Variants in STT3B observed in about 807,000 individuals in gnomAD.
STT3B encodes dolichyl-diphosphooligosaccharide--protein glycosyltransferase subunit STT3B.
Under a neutral mutation model 96.8 loss-of-function variants are expected in STT3B, and 29 were observed. The ratio of observed to expected loss-of-function variants is 0.30; its 90% CI spans 0.22 to 0.41. STT3B has a LOEUF of 0.41. Ranked by LOEUF, STT3B falls within the 10% of genes least tolerant of loss-of-function variation. The pLI, the probability that STT3B is intolerant of heterozygous loss-of-function variation, is 1.00. For synonymous variants in STT3B, 367 were observed against 360.0 expected, an observed-to-expected ratio of 1.02 and a Z score of -0.22; for missense variants, 640 against 1,022.3, an observed-to-expected ratio of 0.63 and a Z score of 5.10.
intron 3 of STT3B, among the ~76,000 whole-genome samples, chr3:31,582,299 T>TC (rs1698424164): frequency 9.6e-6 from 1 of 104,656 alleles, no homozygotes; most frequent in Admixed American, 1.1e-4. Context: ...TTTCTTTCCT[T>TC]CTTTTTTTTT....
intron 1 of STT3B, among the ~76,000 whole-genome samples, chr3:31,536,294 C>T (rs2125432358): frequency 6.6e-6 from 1 of 152,304 alleles, no homozygotes; most frequent in South Asian, 2.1e-4. Context: ...TAGCTGAACA[C>T]TCTAGTGTTT....
intron 5 of STT3B, among the ~76,000 whole-genome samples, chr3:31,611,473 A>T (rs949792346): frequency 6.6e-6 from 1 of 152,102 alleles, no homozygotes; most frequent in Non-Finnish European, 1.5e-5. Flanking sequence ...CAAAAAGCGT[A>T]TGTTTTCATT....
chr3:31,633,713 G>T (rs1325918485), intron 15 of STT3B, among the ~76,000 whole-genome samples: 3 of 151,886 alleles, frequency 2.0e-5, no homozygotes, highest in African/African-American at 4.8e-5. Flanking sequence ...ATTTCATTGG[G>T]GGTCATTATT....
chr3:31,565,429 AGTT>A (rs1453099296), intron 1 of STT3B, among the ~76,000 whole-genome samples: 3 of 152,202 alleles, frequency 2.0e-5, no homozygotes, highest in South Asian at 2.1e-4. Context: ...AAGAGGAAGG[AGTT>A]GTTGTACATT....
rs1400642043 is a variant in STT3B at position 31,632,919 on chromosome 3, A to AATG, written c.2188-15_2188-13dup. On this transcript the variant is annotated splice_polypyrimidine_tract_variant and intron_variant, in intron 14 of 15. Coordinates refer to ENST00000295770, the MANE Select transcript of STT3B (RefSeq NM_178862.3). ...TCCAATATGGTTAACACCCAATAAT[A>AATG]ATGTCACTTTTGCAGCTGGATTTTC... 6.8e-6 allele frequency: 11 copies of AATG among 1,610,908 alleles called. No homozygotes were observed. Among genetic ancestry groups the AATG allele is most frequent in the Non-Finnish European group, 9.3e-6 (11 of 1,177,724 alleles).
At chr3:31,591,568 G>A (rs1470589373) in intron 3 of STT3B, among the ~76,000 whole-genome samples, 1 of 152,032 alleles carries the variant, frequency 6.6e-6, no homozygotes, top group Non-Finnish European at 1.5e-5. Context: ...AACGAATTAT[G>A]CATCTTAATA....
chr3:31,623,822 C>G lies in STT3B; in HGVS notation c.1688C>G (p.Ser563Cys). The change falls in exon 11 of 16, where the codon TCT (serine) becomes TGT (cysteine). Residue 563 changes from serine to cysteine, a missense_variant. Around this residue, in one of 8 missense-constraint regions of STT3B, gnomAD observed 149 missense variants for 250.2 expected, o/e 0.60. Transcript: ENST00000295770. ...HCTWVTSNAY[S>C]SPSVVLASYN... ...ACCTGGGTCACAAGCAATGCCTACT[C>G]TAGTCCAAGTGTAGTCCTGGCCTCA... is the stretch of plus-strand genomic sequence containing the variant. 1 of 1,613,818 alleles carries G rather than the reference C, an allele frequency of 6.2e-7. No homozygotes were observed. The highest frequency in any genetic ancestry group is 8.5e-7 in the Non-Finnish European group (1 of 1,179,796).
At chr3:31,620,126 T>G in intron 9 of STT3B, 1 of 408,574 alleles carries the variant, frequency 2.4e-6, no homozygotes, top group Non-Finnish European at 4.1e-6. Context: ...AATACAAAAA[T>G]TAGCCGAACA....
At chr3:31,568,789 A>G (rs975242360) in intron 1 of STT3B, among the ~76,000 whole-genome samples, 4 of 152,218 alleles carry the variant, frequency 2.6e-5, no homozygotes, top group Non-Finnish European at 5.9e-5. Context: ...TCTGAAACCA[A>G]ATGTATCAAA....
At chr3:31,563,047 T>C (rs1559366760) in intron 1 of STT3B, among the ~76,000 whole-genome samples, 1 of 152,142 alleles carries the variant, frequency 6.6e-6, no homozygotes, top group Non-Finnish European at 1.5e-5. Context: ...ACCCTTTTTC[T>C]GCATTATAAG....
At position 31,558,543 on chromosome 3, in the gene STT3B, T is replaced by G. The variant is rs564218406; in HGVS notation, c.315-17853T>G. Among the ~76,000 whole-genome samples the G allele has an allele frequency of 6.6e-5, 10 of 152,336 alleles. No individual in the cohort carries two copies. The South Asian group carries it at 2.1e-3, about 32-fold the overall frequency. On this transcript the variant is annotated intron_variant, in intron 1 of 15. Coordinates refer to ENST00000295770, the MANE Select transcript of STT3B (RefSeq NM_178862.3). ...CCTTGCTTCCCTGGTATAAACCCAT[T>G]TCATCATGGTGTATTATCTTTTTGA...
chr3:31,624,629 C>G (rs1399932168), intron 11 of STT3B, among the ~76,000 whole-genome samples: 1 of 149,934 alleles, frequency 6.7e-6, no homozygotes, highest in Non-Finnish European at 1.5e-5. Flanking sequence ...TAGGCTTGTA[C>G]ACTATTAGGC....
intron 5 of STT3B, among the ~76,000 whole-genome samples, chr3:31,613,886 G>T (rs762811079): frequency 6.6e-6 from 1 of 151,930 alleles, no homozygotes; most frequent in Non-Finnish European, 1.5e-5. Flanking sequence ...GATTATGTCT[G>T]TTGTCTTCTA....
chr3:31,561,589 C>A (rs1697880814), intron 1 of STT3B, among the ~76,000 whole-genome samples: 2 of 152,182 alleles, frequency 1.3e-5, no homozygotes, highest in Non-Finnish European at 2.9e-5. Flanking sequence ...CTACTCTTCC[C>A]AGCCCCTGTT....
At chr3:31,567,879 T>G (rs1022129439) in intron 1 of STT3B, among the ~76,000 whole-genome samples, 4 of 152,226 alleles carry the variant, frequency 2.6e-5, no homozygotes, top group African/African-American at 9.6e-5. Context: ...TTTAGTTATT[T>G]TAAAATATGT....
chr3:31,616,219 G>A (rs1239746000), intron 6 of STT3B, among the ~76,000 whole-genome samples: 1 of 151,874 alleles, frequency 6.6e-6, no homozygotes, highest in Admixed American at 6.6e-5. Context: ...AGGCCTATTT[G>A]TTCATATTCT....
At chr3:31,556,565 T>C (rs1349988719) in intron 1 of STT3B, among the ~76,000 whole-genome samples, 1 of 152,198 alleles carries the variant, frequency 6.6e-6, no homozygotes, top group African/African-American at 2.4e-5. Context: ...GCATTTGTTA[T>C]TGTCTTTTTC....
chr3:31,601,004 A>G (rs1232170704), intron 5 of STT3B, among the ~76,000 whole-genome samples: 1 of 152,180 alleles, frequency 6.6e-6, no homozygotes, highest in Non-Finnish European at 1.5e-5. Context: ...TATGGGTTGA[A>G]GGAACTAGAG....
Position 31,609,404 on chromosome 3 carries a change from A to G in STT3B, c.878-5701A>G, listed in dbSNP as rs138824324. On this transcript the variant is annotated intron_variant, in intron 5 of 15. Coordinates refer to ENST00000295770, the MANE Select transcript of STT3B (RefSeq NM_178862.3). ...TCCATGAGTTTTTCATAGTCTCCAA[A>G]CACACCACACATACAGTACCTTTGT... Among the ~76,000 whole-genome samples the G allele has an allele frequency of 7.0e-3, 1,070 of 152,240 alleles. 12 individuals are homozygous for G. The highest frequency in any genetic ancestry group is 0.024 in the African/African-American group (989 of 41,524).
Sources: gnomAD v4.1 joint callset for allele counts (sites outside exome capture counted in the v4.1 genomes callset) on GRCh38, gnomAD v4.1.1 for gene constraint, gnomAD v4.1.1 regional missense constraint, MANE v1.5 for transcripts, NCBI Gene and HGNC (gene_info 2026-07-23, HGNC 2026-07-21) for gene names.